SLC7A7: variants seen among roughly 807,000 people sequenced by gnomAD.
SLC7A7 encodes the protein Y+L amino acid transporter 1.
Under a neutral mutation model 47.9 loss-of-function variants are expected in SLC7A7, and 39 were observed. The observed-to-expected ratio is 0.81, with a 90% CI of 0.63 to 1.06. SLC7A7 has a LOEUF of 1.06. SLC7A7 is among the 50% of genes least tolerant of loss of function. SLC7A7 has a pLI of 0.00. For missense variants in SLC7A7, 588 were observed against 632.0 expected (o/e 0.93, Z 0.75); for synonymous variants, 234 against 242.8 (o/e 0.96, Z 0.34).
intron 2 of SLC7A7, among the ~76,000 whole-genome samples, chr14:22,802,827 A>G (rs2039138813): frequency 6.6e-6 from 1 of 152,118 alleles, no homozygotes; most frequent in Non-Finnish European, 1.5e-5. Context: ...AAACCCTACA[A>G]AGATATACCT....
intron 2 of SLC7A7, among the ~76,000 whole-genome samples, chr14:22,784,081 A>G (rs557081691): frequency 6.6e-6 from 1 of 152,324 alleles, no homozygotes; most frequent in African/African-American, 2.4e-5. Context: ...CTTGAAGTGG[A>G]GCCCAACCTC....
At chr14:22,804,314 G>A (rs1295411902) in intron 2 of SLC7A7, among the ~76,000 whole-genome samples, 1 of 152,116 alleles carries the variant, frequency 6.6e-6, no homozygotes, top group Admixed American at 6.6e-5. Context: ...AAGATTTCAT[G>A]GCAAAAATAC....
intron 2 of SLC7A7, among the ~76,000 whole-genome samples, chr14:22,798,185 T>C (rs1331649106): frequency 1.3e-5 from 2 of 152,082 alleles, no homozygotes; most frequent in African/African-American, 4.8e-5. Context: ...TAATCCCAGC[T>C]ACTCGGGAGG....
chr14:22,784,024 C>T (rs1344278580), intron 2 of SLC7A7, among the ~76,000 whole-genome samples: 4 of 152,202 alleles, frequency 2.6e-5, no homozygotes, highest in African/African-American at 4.8e-5. Flanking sequence ...CCCACCTCAG[C>T]GGATACAGCT....
intron 3 of SLC7A7, 131 bp downstream of exon 3, chr14:22,779,795 T>G: frequency 4.5e-6 from 4 of 897,100 alleles, no homozygotes; most frequent in Non-Finnish European, 7.0e-6. Context: ...ATCCATAAAA[T>G]GAGAATAATA....
chr14:22,804,033 G>A (rs1188926380), intron 2 of SLC7A7, among the ~76,000 whole-genome samples: 2 of 152,072 alleles, frequency 1.3e-5, no homozygotes, highest in Admixed American at 6.6e-5. Flanking sequence ...CAGTTACTAG[G>A]GTATCAGGGA....
chr14:22,794,229 TGTCTAGGCA>T (rs1253226321), intron 2 of SLC7A7, among the ~76,000 whole-genome samples: 4 of 152,214 alleles, frequency 2.6e-5, no homozygotes, highest in Non-Finnish European at 5.9e-5. Context: ...GAATTGGCTC[TGTCTAGGCA>T]GTGGGCAAGG....
In SLC7A7 at chr14:22,813,203, T is replaced by G; in HGVS notation, c.196A>C (p.Ser66Arg). The stretch of plus-strand genomic sequence containing the variant: ...ACCAGAGAGAGACCAAAGGAGGCAC[T>G]GTATATGAGCACACCCTTGGGGGAA... ...FVSPKGVLIY[S>R]ASFGLSLVIW... Residue 66 changes from serine to arginine, a missense_variant, in exon 2 of 10, where the codon AGT becomes CGT. Coordinates refer to ENST00000674313, the MANE Select transcript of SLC7A7 (RefSeq NM_003982.4). 6.2e-7 allele frequency: 1 copy of G among 1,614,138 alleles called. No homozygotes were observed. The highest frequency in any genetic ancestry group is 2.2e-5 in the East Asian group (1 of 44,870).
intron 2 of SLC7A7, among the ~76,000 whole-genome samples, chr14:22,793,037 C>T (rs1412401234): frequency 6.6e-6 from 1 of 151,588 alleles, no homozygotes; most frequent in Non-Finnish European, 1.5e-5. Flanking sequence ...CTGCCTCAGC[C>T]TCCCAAGTAG....
chr14:22,786,463 T>A (rs903828157), intron 2 of SLC7A7, among the ~76,000 whole-genome samples: 4 of 152,204 alleles, frequency 2.6e-5, no homozygotes, highest in Admixed American at 2.6e-4. Context: ...CTTTGTCATT[T>A]ACTGCATATA....
At chr14:22,785,388 G>A (rs1301502559) in intron 2 of SLC7A7, among the ~76,000 whole-genome samples, 13 of 152,150 alleles carry the variant, frequency 8.5e-5, no homozygotes, top group Non-Finnish European at 8.8e-5. Context: ...TCTCCACACA[G>A]AATGAAGCTA....
intron 2 of SLC7A7, among the ~76,000 whole-genome samples, chr14:22,791,831 C>CTTT (rs35316014): frequency 5.6e-5 from 3 of 53,472 alleles, no homozygotes; most frequent in South Asian, 8.5e-4. Flanking sequence ...ATCTCTACAC[C>CTTT]TTTTTTTTTT....
intron 2 of SLC7A7, among the ~76,000 whole-genome samples, chr14:22,783,430 T>C (rs1416547370): frequency 1.3e-5 from 2 of 150,662 alleles, no homozygotes; most frequent in East Asian, 3.9e-4. Context: ...CGAGACAGTC[T>C]TGCTCCGTCC....
rs2038522765 is a variant in SLC7A7, at chr14:22,773,640, C to T, written c.1506G>A (p.Met502Ile). ...TAGATTTGGGATCCCGTTGCTTGGG[C>T]ATCTCTCCTCCATCTTCCAAATCCA... ...AEMDLEDGGEMPKQRDPKSN is the reference protein window; with the variant it reads ...AEMDLEDGGEIPKQRDPKSN Residue 502 changes from methionine to isoleucine, a missense_variant, in exon 10 of 10, where the codon ATG becomes ATA. Met to Ile is a conservative substitution (Grantham distance 10). Coordinates refer to ENST00000674313, the MANE Select transcript of SLC7A7 (RefSeq NM_003982.4). 6.2e-7 allele frequency: 1 copy of T among 1,614,190 alleles called. No individual in the cohort carries two copies. Among genetic ancestry groups the T allele is most frequent in the Non-Finnish European group, 8.5e-7 (1 of 1,180,028 alleles).
Position 22,813,053 on chromosome 14 carries a change from C to T in SLC7A7, c.346G>A (p.Ala116Thr). ...YILEAFGGFL[A>T]FIRLWTSLLI... ...AGGGAGGTCCAGAGTCTGATGAAAG[C>T]AAGGAATCCTCCAAAGGCCTCCAGG... The change falls in exon 2 of 10, where the codon GCT (alanine) becomes ACT (threonine). Residue 116 changes from alanine to threonine, a missense_variant. Coordinates refer to ENST00000674313, the MANE Select transcript of SLC7A7 (RefSeq NM_003982.4). 1 of 1,614,072 alleles carries T rather than the reference C, an allele frequency of 6.2e-7. No homozygotes were observed. Among genetic ancestry groups the T allele is most frequent in the Non-Finnish European group, 8.5e-7 (1 of 1,180,012 alleles).
chr14:22,776,003 C>A, intron 5 of SLC7A7, 67 bp from the exon 6 acceptor site: 1 of 1,418,214 alleles, frequency 7.1e-7, no homozygotes, highest in Non-Finnish European at 1.0e-6. Flanking sequence ...GATGGGCATG[C>A]CCCCAGATTC....
At chr14:22,809,768 C>T (rs187201401) in intron 2 of SLC7A7, among the ~76,000 whole-genome samples, 1 of 152,054 alleles carries the variant, frequency 6.6e-6, no homozygotes, top group South Asian at 2.1e-4. Flanking sequence ...TGTACAGGCA[C>T]GTGAATGTGT....
Position 22,779,912 on chromosome 14 carries a change from A to G in SLC7A7, c.625+14T>C. On this transcript the variant is annotated intron_variant, in intron 3 of 9. Coordinates refer to ENST00000674313, the MANE Select transcript of SLC7A7 (RefSeq NM_003982.4). ...GCTTAAAAAAGATTAGTTGCTACTA[A>G]TATTATTTCTTACCCTGGCCAAGTC... The G allele has an allele frequency of 6.2e-7, 1 of 1,613,846 alleles. No individual in the cohort carries two copies. The highest frequency in any genetic ancestry group is 8.5e-7 in the Non-Finnish European group (1 of 1,179,754).
chr14:22,773,839 C>T (rs2038531026), intron 9 of SLC7A7, 94 bp downstream of exon 9: 23 of 1,572,202 alleles, frequency 1.5e-5, no homozygotes, highest in Non-Finnish European at 1.8e-5. Context: ...TAAGAAGGGG[C>T]TAAGGCAAAG....
Sources: allele counts gnomAD v4.1 joint callset (sites outside exome capture counted in the v4.1 genomes callset), GRCh38; gene constraint gnomAD v4.1.1; transcripts MANE v1.5; gene names NCBI Gene and HGNC (gene_info 2026-07-23, HGNC 2026-07-21).